Variants in ATP2B4 observed in about 807,000 individuals in gnomAD.
The protein encoded by ATP2B4 is ATPase plasma membrane Ca2+ transporting 4.
In ATP2B4, 39 loss-of-function variants were observed where a neutral mutation model predicts 110.3. That is an observed-to-expected ratio of 0.35 (90% CI 0.27 to 0.46). ATP2B4 has a LOEUF of 0.46. Ranked by LOEUF, ATP2B4 falls within the 20% of genes least tolerant of loss-of-function variation. ATP2B4 has a pLI of 1.00. For missense variants in ATP2B4, 1,135 were observed against 1,530.9 expected (o/e 0.74, Z 4.32); for synonymous variants, 538 against 571.7 (o/e 0.94, Z 0.84).
At chr1:203,724,599 A>AT (rs557142430) in intron 19 of ATP2B4, among the ~76,000 whole-genome samples, 138 of 152,162 alleles carry the variant, frequency 9.1e-4, no homozygotes, top group Middle Eastern at 6.8e-3. Flanking sequence ...ACAAAAAAAA[A>AT]ATATATAATA....
chr1:203,732,877 T>C (rs982901390), intron 20 of ATP2B4, among the ~76,000 whole-genome samples: 1 of 151,522 alleles, frequency 6.6e-6, no homozygotes, highest in Admixed American at 6.6e-5. Flanking sequence ...TTAGGAGTGA[T>C]GGAGTAGGGA....
chr1:203,699,139 T>C (rs1310608000), intron 3 of ATP2B4, among the ~76,000 whole-genome samples: 2 of 152,166 alleles, frequency 1.3e-5, no homozygotes, highest in African/African-American at 4.8e-5. Context: ...TGCCACCAAT[T>C]GTCTGGCATG....
intron 2 of ATP2B4, among the ~76,000 whole-genome samples, chr1:203,684,353 ATTTT>A (rs56376451): frequency 8.0e-6 from 1 of 125,420 alleles, no homozygotes; most frequent in Admixed American, 8.1e-5. Flanking sequence ...CCCCATCTCT[ATTTT>A]TTTTTTTTTT....
Position 203,698,223 on chromosome 1 carries a change from C to T in ATP2B4, c.260C>T (p.Pro87Leu). ...RQVFGHNVIP[P>L]KKPKTFLELV... is the part of the protein sequence containing the mutation. ...GTGTTTGGACACAACGTGATCCCCC[C>T]CAAAAAGCCCAAGACTTTCTTAGAA... The change falls in exon 3 of 21, where the codon CCC becomes CTC. Residue 87 changes from proline to leucine, a missense_variant. By Grantham distance (98) the Pro-to-Leu change is moderately conservative. Coordinates refer to ENST00000357681, the MANE Select transcript of ATP2B4 (RefSeq NM_001684.5). 6.2e-7 allele frequency: 1 copy of T among 1,614,200 alleles called. No individual in the cohort carries two copies. The highest frequency in any genetic ancestry group is 1.1e-5 in the South Asian group (1 of 91,084).
At chr1:203,660,194 C>T (rs1664294552) in intron 1 of ATP2B4, among the ~76,000 whole-genome samples, 1 of 152,056 alleles carries the variant, frequency 6.6e-6, no homozygotes, top group South Asian at 2.1e-4. Flanking sequence ...TTCCCTTTAC[C>T]ATGTGGTAGA....
intron 20 of ATP2B4, among the ~76,000 whole-genome samples, chr1:203,730,731 T>C (rs1012675447): frequency 9.2e-5 from 14 of 152,226 alleles, no homozygotes; most frequent in Admixed American, 6.5e-5. Flanking sequence ...ACTGCCTACA[T>C]AGCTTTAGGT....
intron 1 of ATP2B4, among the ~76,000 whole-genome samples, chr1:203,660,391 GC>G (rs1664300461): frequency 1.3e-5 from 2 of 152,100 alleles, no homozygotes; most frequent in South Asian, 4.1e-4. Context: ...GAGAATGCAC[GC>G]CATTGGGGTG....
chr1:203,643,153 T>A (rs1295897587), intron 1 of ATP2B4, among the ~76,000 whole-genome samples: 2 of 152,164 alleles, frequency 1.3e-5, no homozygotes, highest in African/African-American at 2.4e-5. Context: ...CAGGTTACCC[T>A]CTTGGTGCCA....
At chr1:203,634,852 C>T (rs1295886863) in intron 1 of ATP2B4, among the ~76,000 whole-genome samples, 1 of 152,018 alleles carries the variant, frequency 6.6e-6, no homozygotes, top group Non-Finnish European at 1.5e-5. Flanking sequence ...TTTGTAGAGA[C>T]GGGGTTTCAC....
chr1:203,680,016 G>A lies in ATP2B4; in HGVS notation c.-464-2726G>A, dbSNP rs914302658. On this transcript the variant is annotated intron_variant, in intron 1 of 20. Coordinates refer to ENST00000357681, the MANE Select transcript of ATP2B4 (RefSeq NM_001684.5). The stretch of plus-strand genomic sequence containing the variant: ...GCGGAGGTTGCAGTGAGCCAAGATC[G>A]CACGACTGCATTCCGGCCTGGGTGA... 3.4e-5 allele frequency among the ~76,000 whole-genome samples: 5 copies of A among 146,458 alleles called. No homozygotes were observed. In the East Asian group the frequency reaches 6.1e-4, roughly 18 times the overall value.
At chr1:203,726,677 A>G (rs897887588) in intron 19 of ATP2B4, among the ~76,000 whole-genome samples, 1 of 152,068 alleles carries the variant, frequency 6.6e-6, no homozygotes, top group Non-Finnish European at 1.5e-5. Context: ...CCTCTTCCCC[A>G]CATGAGCCCT....
At chr1:203,695,622 A>G (rs1227708622) in intron 2 of ATP2B4, among the ~76,000 whole-genome samples, 1 of 152,038 alleles carries the variant, frequency 6.6e-6, no homozygotes, top group Non-Finnish European at 1.5e-5. Context: ...TCTCCTAAGC[A>G]CTAGCAAGTG....
At chr1:203,636,520 T>C (rs368735901) in intron 1 of ATP2B4, among the ~76,000 whole-genome samples, 18 of 152,170 alleles carry the variant, frequency 1.2e-4, no homozygotes, top group African/African-American at 4.3e-4. Flanking sequence ...TCTGTGTTGG[T>C]GAGGGAGCCT....
chr1:203,650,132 T>C (rs1338119286), intron 1 of ATP2B4, among the ~76,000 whole-genome samples: 2 of 152,248 alleles, frequency 1.3e-5, no homozygotes, highest in Non-Finnish European at 2.9e-5. Flanking sequence ...ACATAATGCA[T>C]GCATTGATCA....
intron 1 of ATP2B4, among the ~76,000 whole-genome samples, chr1:203,672,207 C>T (rs1480157907): frequency 1.3e-5 from 2 of 152,172 alleles, no homozygotes; most frequent in Non-Finnish European, 2.9e-5. Flanking sequence ...GCCGCACCTT[C>T]CCTTTTGGAA....
intron 2 of ATP2B4, among the ~76,000 whole-genome samples, chr1:203,687,005 T>C (rs1456886556): frequency 2.4e-4 from 35 of 148,750 alleles, no homozygotes; most frequent in Admixed American, 2.3e-3. Context: ...TTTTTTTTTT[T>C]TTTTTTTTTC....
At chr1:203,719,530 T>G (rs12088307) in intron 15 of ATP2B4, among the ~76,000 whole-genome samples, 233 of 151,842 alleles carry the variant, frequency 1.5e-3, no homozygotes, top group African/African-American at 5.3e-3. Flanking sequence ...GCCAACATGA[T>G]GAAACCCCTA....
At position 203,739,870 on chromosome 1, in the gene ATP2B4, C is replaced by A; in HGVS notation, c.*16C>A. 6.3e-7 allele frequency: 1 copy of A among 1,597,352 alleles called. No individual in the cohort carries two copies. The highest frequency in any genetic ancestry group is 8.5e-7 in the Non-Finnish European group (1 of 1,170,806). On this transcript the variant is annotated 3_prime_UTR_variant, in exon 21 of 21. Coordinates refer to ENST00000357681, the MANE Select transcript of ATP2B4 (RefSeq NM_001684.5). ...ATCAGTTTGAATTTTCTTTCTCTGA[C>A]TCTCATCCCTATTTTACCTATTTCC...
intron 1 of ATP2B4, among the ~76,000 whole-genome samples, chr1:203,643,154 C>T (rs990493885): frequency 6.6e-6 from 1 of 152,222 alleles, no homozygotes; most frequent in Admixed American, 6.5e-5. Context: ...AGGTTACCCT[C>T]TTGGTGCCAG....
Sources: gnomAD v4.1 joint callset for allele counts (sites outside exome capture counted in the v4.1 genomes callset) on GRCh38, gnomAD v4.1.1 for gene constraint, MANE v1.5 for transcripts, NCBI Gene and HGNC (gene_info 2026-07-23, HGNC 2026-07-21) for gene names.